The following MEOX2 variants were observed in gnomAD, a reference collection of about 807,000 sequenced individuals.
MEOX2 encodes the protein mesenchyme homeobox 2.
In MEOX2, 11 loss-of-function variants were observed where a neutral mutation model predicts 27.0. That is an observed-to-expected ratio of 0.41 (90% confidence interval 0.26 to 0.68). The LOEUF is 0.68. Among genes scored for constraint, MEOX2 ranks in the 30% least tolerant of loss-of-function variants. The pLI, the probability that MEOX2 is intolerant of heterozygous loss-of-function variation, is 0.33. For synonymous variants in MEOX2, 189 were observed against 155.4 expected (o/e 1.22, Z -1.61); for missense variants, 436 against 385.4 (o/e 1.13, Z -1.10).
chr7:15,663,692 C>T (rs1321809545), intron 1 of MEOX2, among the ~76,000 whole-genome samples: 1 of 151,998 alleles, frequency 6.6e-6, no homozygotes, highest in Non-Finnish European at 1.5e-5. Flanking sequence ...TTTTGAAAGA[C>T]AAAAATAACA....
intron 1 of MEOX2, among the ~76,000 whole-genome samples, chr7:15,639,805 C>G (rs1781532764): frequency 6.6e-6 from 1 of 152,114 alleles, no homozygotes; most frequent in Non-Finnish European, 1.5e-5. Flanking sequence ...GCTCTCTATT[C>G]TGTTCCATTG....
At chr7:15,643,545 G>A (rs1781595870) in intron 1 of MEOX2, among the ~76,000 whole-genome samples, 1 of 152,116 alleles carries the variant, frequency 6.6e-6, no homozygotes, top group Non-Finnish European at 1.5e-5. Flanking sequence ...GTCATGCCCA[G>A]GGGAGTCTTC....
rs188407412 is a variant in MEOX2, at chr7:15,641,104, G to C, written c.518-14186C>G. On this transcript the variant is annotated intron_variant, in intron 1 of 2. Coordinates refer to ENST00000262041, the MANE Select transcript of MEOX2 (RefSeq NM_005924.5). ...ATTTCAGTAAGTTGGTACCACTTCTGTCTTGTATGTCTGGTAGAATTTGGC... is the reference window on the plus strand; with the variant it reads ...ATTTCAGTAAGTTGGTACCACTTCTCTCTTGTATGTCTGGTAGAATTTGGC... Among the ~76,000 whole-genome samples the C allele has an allele frequency of 8.0e-4, 121 of 152,136 alleles. 1 individual carries two copies. The highest frequency in any genetic ancestry group is 2.6e-4 in the Non-Finnish European group (18 of 67,984).
intron 1 of MEOX2, among the ~76,000 whole-genome samples, chr7:15,646,224 G>C (rs575920626): frequency 9.2e-5 from 14 of 151,928 alleles, no homozygotes; most frequent in Middle Eastern, 3.4e-3. Context: ...TGAACAAATG[G>C]GATAATATAC....
At chr7:15,626,587 AT>A (rs1781311242) in intron 2 of MEOX2, among the ~76,000 whole-genome samples, 158 bp downstream of exon 2, 1 of 151,722 alleles carries the variant, frequency 6.6e-6, no homozygotes, top group Non-Finnish European at 1.5e-5. Flanking sequence ...ATTATTTTTA[AT>A]TTTGTTATTT....
At chr7:15,622,189 C>G (rs1246406570) in intron 2 of MEOX2, among the ~76,000 whole-genome samples, 1 of 152,064 alleles carries the variant, frequency 6.6e-6, no homozygotes, top group Non-Finnish European at 1.5e-5. Flanking sequence ...TGCATGATAT[C>G]TTTCTTTTGA....
rs575481779 is a variant in MEOX2 at position 15,652,241 on chromosome 7, G to C, written c.518-25323C>G. On this transcript the variant is annotated intron_variant, in intron 1 of 2. Transcript: ENST00000262041. ...GTAAATTAGTTGTGACTGATTTATA[G>C]GATATTTTGAGATGCCTCTTTAGAA... Among the ~76,000 whole-genome samples the C allele has an allele frequency of 5.3e-5, 8 of 152,120 alleles. 1 individual carries two copies. The South Asian group carries it at 1.7e-3, about 32-fold the overall frequency.
chr7:15,658,466 A>AT (rs1781859842), intron 1 of MEOX2, among the ~76,000 whole-genome samples: 1 of 152,144 alleles, frequency 6.6e-6, no homozygotes, highest in African/African-American at 2.4e-5. Context: ...TCTGTTAGAC[A>AT]TTTTTTGTGT....
intron 1 of MEOX2, chr7:15,679,337 T>C (rs563648467): frequency 2.4e-4 from 37 of 152,212 alleles, no homozygotes; most frequent in African/African-American, 7.9e-4. Context: ...TTGTCCTCTC[T>C]ACTAGACTAC....
intron 1 of MEOX2, among the ~76,000 whole-genome samples, chr7:15,642,485 T>C (rs1781578162): frequency 6.6e-6 from 1 of 152,188 alleles, no homozygotes; most frequent in Non-Finnish European, 1.5e-5. Context: ...TTTTCTTTAA[T>C]ATATCTATCT....
At chr7:15,615,601 T>G (rs1420986394) in intron 2 of MEOX2, among the ~76,000 whole-genome samples, 2 of 152,112 alleles carry the variant, frequency 1.3e-5, no homozygotes, top group African/African-American at 2.4e-5. Flanking sequence ...CATTGTATTT[T>G]GCATTAGATC....
intron 1 of MEOX2, among the ~76,000 whole-genome samples, chr7:15,682,991 A>G (rs1052203752): frequency 6.6e-6 from 1 of 152,030 alleles, no homozygotes; most frequent in African/African-American, 2.4e-5. Flanking sequence ...AAGGAAGCCT[A>G]AAGTCCATAA....
rs572771367 is a variant in MEOX2 at position 15,686,481 on chromosome 7, G to T, written c.-79C>A. 1.8e-5 allele frequency: 23 copies of T among 1,288,578 alleles called. No homozygotes were observed. The South Asian group carries it at 2.9e-4, about 16-fold the overall frequency. 79.8% of individuals were successfully genotyped at this position (1,288,578 alleles called of 1,614,324 possible). A position where few individuals can be genotyped will look rare whatever the true frequency, so the allele number is the denominator to read the frequency against. On this transcript the variant is annotated 5_prime_UTR_variant, in exon 1 of 3. Transcript: ENST00000262041. Reference sequence around the variant, plus strand: ...ACCACCCTCTGTCACTTTTTCACTGGAAACCGTGTGATTTTTTTTTTAACC... The same window carrying T: ...ACCACCCTCTGTCACTTTTTCACTGTAAACCGTGTGATTTTTTTTTTAACC...
chr7:15,666,768 AAAAAAAAAAAAATATATAT>A (rs1248799314), intron 1 of MEOX2, among the ~76,000 whole-genome samples: 37 of 82,180 alleles, frequency 4.5e-4, no homozygotes, highest in African/African-American at 1.5e-3. Flanking sequence ...AAAAAAAAAA[AAAAAAAAAAAAATATATAT>A]ATATATATAT....
intron 1 of MEOX2, 27 bp from the exon 2 acceptor site, chr7:15,626,945 T>G (rs1781318598): frequency 1.6e-5 from 25 of 1,600,590 alleles, no homozygotes; most frequent in Non-Finnish European, 2.1e-5. Context: ...ACAGAATTGG[T>G]AATAACTCAT....
chr7:15,655,605 C>G (rs1044860697), intron 1 of MEOX2, among the ~76,000 whole-genome samples: 35 of 151,538 alleles, frequency 2.3e-4, no homozygotes, highest in African/African-American at 7.5e-4. Context: ...TTTTTTATTT[C>G]TACCAAGATT....
chr7:15,665,659 T>A (rs767669380), intron 1 of MEOX2, among the ~76,000 whole-genome samples: 8 of 152,176 alleles, frequency 5.3e-5, no homozygotes, highest in East Asian at 1.9e-4. Flanking sequence ...AAGAATTACA[T>A]CCCTTTTAGA....
chr7:15,635,566 T>C (rs184038575), intron 1 of MEOX2, among the ~76,000 whole-genome samples: 3 of 152,140 alleles, frequency 2.0e-5, no homozygotes, highest in East Asian at 1.9e-4. Context: ...GGGCACTCAA[T>C]AATCAATTGT....
chr7:15,612,322 T>A lies in MEOX2; in HGVS notation c.*65A>T. The A allele has an allele frequency of 7.9e-7, 1 of 1,259,012 alleles. No individual in the cohort carries two copies. The highest frequency in any genetic ancestry group is 1.2e-6 in the Non-Finnish European group (1 of 859,650). 78.0% of individuals were successfully genotyped at this position (1,259,012 alleles called of 1,614,324 possible). A position where few individuals can be genotyped will look rare whatever the true frequency, so the allele number is the denominator to read the frequency against. ...CATAGTCATCTCTCTGTGTAAACGA[T>A]ATTTGGGTAAGGCTTGCCATCACAA... is the stretch of plus-strand genomic sequence containing the variant. On this transcript the variant is annotated 3_prime_UTR_variant, in exon 3 of 3. Coordinates refer to ENST00000262041, the MANE Select transcript of MEOX2 (RefSeq NM_005924.5).
Sources: allele counts gnomAD v4.1 joint callset (sites outside exome capture counted in the v4.1 genomes callset), GRCh38; gene constraint gnomAD v4.1.1; transcripts MANE v1.5; gene names NCBI Gene and HGNC (gene_info 2026-07-23, HGNC 2026-07-21).